HMCN2: variants seen among roughly 807,000 people sequenced by gnomAD.
The protein encoded by HMCN2 is hemicentin-2.
HMCN2 carries 325 observed loss-of-function variants against 377.5 expected under a neutral mutation model. The observed-to-expected ratio is 0.86, with a 90% CI of 0.79 to 0.94. The LOEUF (loss-of-function observed/expected upper bound fraction) is 0.94, where lower values mean the gene tolerates loss of function less well. Ranked by LOEUF, HMCN2 falls within the 40% of genes least tolerant of loss-of-function variation. The probability of loss-of-function intolerance (pLI) is 0.00; values close to 1 mark genes in which losing one functional copy is unlikely to be tolerated. For synonymous variants in HMCN2, 2,007 were observed against 2,046.8 expected (o/e 0.98, Z 0.53); for missense variants, 4,543 against 4,725.3 (o/e 0.96, Z 1.13).
chr9:130,367,941 C>CAAAA (rs10565235), intron 43 of HMCN2, among the ~76,000 whole-genome samples: 3 of 75,482 alleles, frequency 4.0e-5, no homozygotes, highest in East Asian at 4.9e-4. Flanking sequence ...GACTCTGTCT[C>CAAAA]AAAAAAAAAA....
intron 94 of HMCN2, 58 bp downstream of exon 94, chr9:130,429,743 T>C: frequency 7.7e-7 from 1 of 1,297,088 alleles, no homozygotes; most frequent in Non-Finnish European, 1.0e-6. Flanking sequence ...GGTTACCGGA[T>C]GCAGGGCCCC....
chr9:130,364,143 A>G (rs1466543362), intron 40 of HMCN2, among the ~76,000 whole-genome samples: 1 of 152,204 alleles, frequency 6.6e-6, no homozygotes, highest in Non-Finnish European at 1.5e-5. Flanking sequence ...CACCTGTGCC[A>G]TTGGATTGAA....
chr9:130,349,426 C>A, intron 28 of HMCN2, 111 bp from the exon 29 acceptor site: 1 of 1,179,302 alleles, frequency 8.5e-7, no homozygotes, highest in African/African-American at 1.6e-5. Context: ...CCAGGAAGGT[C>A]AGGTAGGAGG....
At chr9:130,331,274 T>C (rs1415509837) in intron 22 of HMCN2, among the ~76,000 whole-genome samples, 1 of 152,180 alleles carries the variant, frequency 6.6e-6, no homozygotes, top group Non-Finnish European at 1.5e-5. Flanking sequence ...TAAATGGGAC[T>C]GTTGGAGCAG....
chr9:130,403,419 C>G, intron 79 of HMCN2, 91 bp downstream of exon 79: 1 of 1,235,514 alleles, frequency 8.1e-7, no homozygotes, highest in African/African-American at 1.5e-5. Context: ...TGGGAGACCC[C>G]GCAGACCTGC....
chr9:130,384,528 C>CT lies in HMCN2; in HGVS notation c.8987dup (p.Pro2997AlafsTer74), dbSNP rs1841910849. 1 of 1,304,124 alleles carries CT rather than the reference C, an allele frequency of 7.7e-7. No homozygotes were observed. The highest frequency in any genetic ancestry group is 1.5e-5 in the African/African-American group (1 of 65,852). The allele number at this position is 1,304,124 out of a possible 1,614,324, so 80.8% of individuals were successfully genotyped here. A position where few individuals can be genotyped will look rare whatever the true frequency, so the allele number is the denominator to read the frequency against. On this transcript the variant is annotated frameshift_variant, in exon 58 of 98. Coordinates refer to ENST00000683500, the MANE Select transcript of HMCN2 (RefSeq NM_001291815.2). LOFTEE classifies it high-confidence loss of function. Reference sequence around the variant, plus strand: ...CTCCCTGGGTGAAGAGGTCTTCCTCCTGCCTGGTGGGTAAACTGAGGTGTC... The same window carrying CT: ...CTCCCTGGGTGAAGAGGTCTTCCTCCTTGCCTGGTGGGTAAACTGAGGTGTC...
Position 130,391,440 on chromosome 9 carries a change from C to A in HMCN2, c.9828-10C>A. ...ACGCCTCTGCCCTGGGCCCTCCTTC[C>A]CTGTGGCAGGTTCTACCTGGACGGC... On this transcript the variant is annotated splice_polypyrimidine_tract_variant and intron_variant, in intron 64 of 97. Transcript: ENST00000683500. 1.0e-6 allele frequency: 1 copy of A among 987,952 alleles called. No individual in the cohort carries two copies. The highest frequency in any genetic ancestry group is 4.7e-5 in the South Asian group (1 of 21,384). The allele number at this position is 987,952 out of a possible 1,614,324, so 61.2% of individuals were successfully genotyped here. A position where few individuals can be genotyped will look rare whatever the true frequency, so the allele number is the denominator to read the frequency against.
Position 130,353,176 on chromosome 9 carries a change from C to A in HMCN2, c.4835C>A (p.Ala1612Glu), listed in dbSNP as rs1478924981. 1 of 1,303,984 alleles carries A rather than the reference C, an allele frequency of 7.7e-7. No homozygotes were observed. The highest frequency in any genetic ancestry group is 1.0e-6 in the Non-Finnish European group (1 of 988,914). 80.8% of individuals were successfully genotyped at this position (1,303,984 alleles called of 1,614,324 possible). ...TCKASNAVGA[A>E]EKATRLDVYV... is the part of the protein sequence containing the mutation. Reference sequence around the variant, plus strand: ...AAGGCCAGCAATGCTGTGGGGGCCGCAGAGAAGGCCACCAGGCTGGATGTT... The same window carrying A: ...AAGGCCAGCAATGCTGTGGGGGCCGAAGAGAAGGCCACCAGGCTGGATGTT... Residue 1612 changes from alanine to glutamate, a missense_variant, in exon 31 of 98, where the codon GCA (alanine) becomes GAA (glutamate). Ala to Glu is a moderately radical substitution (Grantham distance 107). This residue lies in a region of HMCN2 where 1,032 missense variants were observed against 1,285.1 expected (regional missense o/e 0.80). Transcript: ENST00000683500.
chr9:130,385,151 C>G (rs920319150), intron 59 of HMCN2, among the ~76,000 whole-genome samples: 4 of 152,136 alleles, frequency 2.6e-5, no homozygotes, highest in African/African-American at 4.8e-5. Flanking sequence ...TTCACTTGCA[C>G]GAACACCAGC....
intron 25 of HMCN2, among the ~76,000 whole-genome samples, chr9:130,346,229 G>C (rs1400198123): frequency 6.6e-6 from 1 of 152,066 alleles, no homozygotes; most frequent in Non-Finnish European, 1.5e-5. Flanking sequence ...TGGGGCTCAC[G>C]CTGCGACCTC....
chr9:130,368,852 A>C (rs11243783), intron 44 of HMCN2, among the ~76,000 whole-genome samples: 3,355 of 152,286 alleles, frequency 0.022, 40 homozygotes, highest in Middle Eastern at 0.061. Context: ...GAAACCGCCC[A>C]GATGATCCAA....
intron 11 of HMCN2, among the ~76,000 whole-genome samples, chr9:130,305,414 G>A (rs1554936351): frequency 6.6e-6 from 1 of 152,184 alleles, no homozygotes; most frequent in African/African-American, 2.4e-5. Context: ...CTGACTAGAT[G>A]GGGGTGGAGG....
chr9:130,432,581 G>A lies in HMCN2; in HGVS notation c.14894+26G>A, dbSNP rs1469338472. The A allele has an allele frequency of 5.2e-6, 8 of 1,546,234 alleles. No individual in the cohort carries two copies. In the East Asian group the frequency reaches 7.3e-5, roughly 14 times the overall value. On this transcript the variant is annotated intron_variant, in intron 97 of 97. Transcript: ENST00000683500. ...GTAAGGGCTGAGTTGGCAGGGCCTC[G>A]TGCCCTCAGGAAAAGCACATTTTTC...
chr9:130,338,206 C>T (rs887845018), intron 23 of HMCN2, 185 bp downstream of exon 23: 161 of 153,400 alleles, frequency 1.0e-3, no homozygotes, highest in Middle Eastern at 6.2e-3. Flanking sequence ...CCTGTCTCTC[C>T]TCCTCCACCC....
intron 1 of HMCN2, among the ~76,000 whole-genome samples, chr9:130,279,798 C>T (rs1835012967): frequency 6.6e-6 from 1 of 152,204 alleles, no homozygotes; most frequent in African/African-American, 2.4e-5. Context: ...ACAGAACCTG[C>T]AAATGTGTGA....
intron 62 of HMCN2, among the ~76,000 whole-genome samples, chr9:130,390,048 T>C (rs1842224290): frequency 1.3e-5 from 2 of 152,214 alleles, no homozygotes; most frequent in South Asian, 4.1e-4. Context: ...TCCGTGTTCG[T>C]GTTTCTGTGT....
chr9:130,373,327 A>G (rs1316243521), intron 48 of HMCN2, among the ~76,000 whole-genome samples: 1 of 151,896 alleles, frequency 6.6e-6, no homozygotes, highest in East Asian at 1.9e-4. Flanking sequence ...TCCCCACCTC[A>G]CTACAGACCT....
rs561350432 is a variant in HMCN2, at chr9:130,400,769, G to A, written c.11606-14G>A. 77 of 1,280,326 alleles carry A rather than the reference G, an allele frequency of 6.0e-5. 1 individual carries two copies. The South Asian group carries it at 9.6e-4, about 16-fold the overall frequency. The allele number at this position is 1,280,326 out of a possible 1,614,324, so 79.3% of individuals were successfully genotyped here. A position where few individuals can be genotyped will look rare whatever the true frequency, so the allele number is the denominator to read the frequency against. On this transcript the variant is annotated splice_polypyrimidine_tract_variant and intron_variant, in intron 76 of 97. Coordinates refer to ENST00000683500, the MANE Select transcript of HMCN2 (RefSeq NM_001291815.2). ...GCCCGCCGGCAGGGCCTCAAGCCTT[G>A]TCTTGGGTTTTAGTGCCTCCCACCA...
At chr9:130,299,357 T>A in intron 8 of HMCN2, 69 bp downstream of exon 8, 3 of 380,068 alleles carry the variant, frequency 7.9e-6, no homozygotes, top group Non-Finnish European at 1.6e-5. Flanking sequence ...CCTGGAGCCT[T>A]CCCTGACTGG....
Sources: gnomAD v4.1 joint callset for allele counts (sites outside exome capture counted in the v4.1 genomes callset) on GRCh38, gnomAD v4.1.1 for gene constraint, gnomAD v4.1.1 regional missense constraint, MANE v1.5 for transcripts, NCBI Gene and HGNC (gene_info 2026-07-23, HGNC 2026-07-21) for gene names.